Variants in ALDH16A1 observed in about 807,000 individuals in gnomAD.
ALDH16A1 encodes aldehyde dehydrogenase family 16 member A1.
ALDH16A1 carries 88 observed loss-of-function variants against 96.1 expected under a neutral mutation model. That is an observed-to-expected ratio of 0.92 (90% CI 0.77 to 1.09). The LOEUF (loss-of-function observed/expected upper bound fraction) is 1.09. Ranked by LOEUF, ALDH16A1 falls within the 50% of genes least tolerant of loss-of-function variation. The probability of loss-of-function intolerance (pLI) is 0.00; values close to 1 mark genes in which losing one functional copy is unlikely to be tolerated. For synonymous variants in ALDH16A1, 522 were observed against 496.4 expected (o/e 1.05, Z -0.69); for missense variants, 1,250 against 1,112.6 (o/e 1.12, Z -1.76).
chr19:49,464,156 C>A lies in ALDH16A1; in HGVS notation c.1224C>A (p.Pro408=). The change falls in exon 10 of 17, where the codon CCC becomes CCA. Residue 408 remains proline, a synonymous_variant. Transcript: ENST00000293350. ...EVPWPVVVAS[P]FRTAKEALLV... is the part of the protein sequence containing the mutation. ...CGTGGCCTGTGGTCGTGGCCTCCCC[C>A]TTCCGCACAGCCAAGGAGGCACTGT... 1 of 1,609,016 alleles carries A rather than the reference C, an allele frequency of 6.2e-7. No individual in the cohort carries two copies. Among genetic ancestry groups the A allele is most frequent in the East Asian group, 2.2e-5 (1 of 44,854 alleles).
intron 14 of ALDH16A1, among the ~76,000 whole-genome samples, chr19:49,467,871 T>C (rs981886248): frequency 2.0e-5 from 3 of 147,782 alleles, no homozygotes; most frequent in African/African-American, 5.0e-5. Flanking sequence ...CAAAAGAAAA[T>C]AGACCAGGCG....
Position 49,468,777 on chromosome 19 carries a change from C to T in ALDH16A1, c.2125-87C>T. On this transcript the variant is annotated intron_variant, in intron 15 of 16. Coordinates refer to ENST00000293350, the MANE Select transcript of ALDH16A1 (RefSeq NM_153329.4). The surrounding 1 kb of genome is among the most constrained non-coding windows in gnomAD (Gnocchi z 4.4). ...CTTTCTCCTCCATGACCCCCCATCCCCTTCCCTCCCATGGGCACCCCCTGA... is the reference window on the plus strand; with the variant it reads ...CTTTCTCCTCCATGACCCCCCATCCTCTTCCCTCCCATGGGCACCCCCTGA... 6.7e-7 allele frequency: 1 copy of T among 1,494,218 alleles called. No homozygotes were observed. Among genetic ancestry groups the T allele is most frequent in the Non-Finnish European group, 9.1e-7 (1 of 1,096,666 alleles). The allele number at this position is 1,494,218 out of a possible 1,614,324, so 92.6% of individuals were successfully genotyped here.
At chr19:49,454,698 G>A (rs1268679269) in intron 1 of ALDH16A1, among the ~76,000 whole-genome samples, 2 of 152,224 alleles carry the variant, frequency 1.3e-5, no homozygotes, top group Admixed American at 6.5e-5. Context: ...AATGATCCAA[G>A]TGGAAGGAAC....
Position 49,464,672 on chromosome 19 carries a change from G to A in ALDH16A1, c.1478G>A (p.Arg493Gln), listed in dbSNP as rs145782809. 9.5e-5 allele frequency: 153 copies of A among 1,614,136 alleles called. No homozygotes were observed. The East Asian group carries it at 1.4e-3, about 15-fold the overall frequency. Residue 493 changes from arginine to glutamine, a missense_variant, in exon 12 of 17, where the codon CGG becomes CAG. Transcript: ENST00000293350. Reference sequence around the variant, plus strand: ...CTGCGGCCCTCAGGGACCCCTGCCCGGCTGTCCTGCCTCTCCAAGAACCTG... The same window carrying A: ...CTGCGGCCCTCAGGGACCCCTGCCCAGCTGTCCTGCCTCTCCAAGAACCTG... ...EYLRPSGTPA[R>Q]LSCLSKNLNY...
In ALDH16A1 at chr19:49,470,658, T is replaced by TC; in HGVS notation, c.*191_*192insC. 3.4e-6 allele frequency: 2 copies of TC among 581,802 alleles called. No homozygotes were observed. The highest frequency in any genetic ancestry group is 5.3e-6 in the Non-Finnish European group (2 of 378,476). The allele number at this position is 581,802 out of a possible 1,614,324, so 36.0% of individuals were successfully genotyped here. On this transcript the variant is annotated 3_prime_UTR_variant, in exon 17 of 17. Coordinates refer to ENST00000293350, the MANE Select transcript of ALDH16A1 (RefSeq NM_153329.4). ...ATATGAGGCTTTTTTCTTTTTTTTT[T>TC]TTTTTTTTGAGACAACGTCTGGCTC...
chr19:49,456,550 A>G (rs1293267445), intron 1 of ALDH16A1, among the ~76,000 whole-genome samples: 1 of 152,024 alleles, frequency 6.6e-6, no homozygotes, highest in East Asian at 1.9e-4. Flanking sequence ...ATGACTGGCA[A>G]ATTTTTTACT....
rs776005183 is a variant in ALDH16A1 at position 49,466,246 on chromosome 19, G to A, written c.1901G>A (p.Trp634Ter). 3.4e-6 allele frequency: 5 copies of A among 1,481,012 alleles called. No individual in the cohort carries two copies. Among genetic ancestry groups the A allele is most frequent in the Admixed American group, 2.5e-5 (1 of 40,268 alleles). 91.7% of individuals were successfully genotyped at this position (1,481,012 alleles called of 1,614,324 possible). A position where few individuals can be genotyped will look rare whatever the true frequency, so the allele number is the denominator to read the frequency against. Reference protein sequence around the residue: ...VELSARRLRAWGARVQAQGHT... With the variant: ...VELSARRLRA ...CTGAGCGCAAGACGACTTCGGGCGT[G>A]GGGGGCCCGGGTGCAGGCCCAAGGC... The change falls in exon 14 of 17, where the codon TGG becomes TAG. Residue 634 changes from tryptophan (W) to a stop codon, truncating the protein, a stop_gained. Transcript: ENST00000293350. LOFTEE classifies it high-confidence loss of function.
At position 49,467,396 on chromosome 19, in the gene ALDH16A1, C is replaced by CT. The variant is rs111994857; in HGVS notation, c.1939-969dup. 3.5e-3 allele frequency among the ~76,000 whole-genome samples: 456 copies of CT among 131,156 alleles called. 3 individuals carry two copies. The highest frequency in any genetic ancestry group is 0.011 in the East Asian group (51 of 4,468). The allele number at this position is 131,156 out of a possible 152,430, so 86.0% of individuals were successfully genotyped here. On this transcript the variant is annotated intron_variant, in intron 14 of 16. Coordinates refer to ENST00000293350, the MANE Select transcript of ALDH16A1 (RefSeq NM_153329.4). Reference sequence around the variant, plus strand: ...TGGGCCAAACCATATTTCTTTCTTTCTTTTTTTTTTTTTTTTGAGACAGAG... The same window carrying CT: ...TGGGCCAAACCATATTTCTTTCTTTCTTTTTTTTTTTTTTTTTGAGACAGAG...
intron 1 of ALDH16A1, 135 bp downstream of exon 1, chr19:49,453,556 C>G (rs769453656): frequency 2.3e-6 from 2 of 854,022 alleles, no homozygotes; most frequent in African/African-American, 3.4e-5. Flanking sequence ...TCCCGCCGCC[C>G]AATAGGATCG....
rs753944324 is a variant in ALDH16A1 at position 49,468,840 on chromosome 19, C to A, written c.2125-24C>A. ...TGCCCTGCCCCCACGGCCTCCCCAA[C>A]CTTTCACTCTCTCTATCCCCTAGGA... On this transcript the variant is annotated intron_variant, in intron 15 of 16. Transcript: ENST00000293350. The surrounding 1 kb of genome is among the most constrained non-coding windows in gnomAD (Gnocchi z 4.4). The A allele has an allele frequency of 1.4e-5, 22 of 1,607,030 alleles. No homozygotes were observed. The highest frequency in any genetic ancestry group is 1.7e-5 in the Non-Finnish European group (20 of 1,175,986).
At chr19:49,462,876 G>GGGCCTGGACTCCTGGGTCTGAAGGA (rs2079163441) in intron 8 of ALDH16A1, 121 bp downstream of exon 8, 1 of 655,500 alleles carries the variant, frequency 1.5e-6, no homozygotes, top group African/African-American at 3.3e-5. Context: ...GGAGGGGCTG[G>GGGCCTGGACTCCTGGGTCTGAAGGA]GAGCCTGGAC....
At chr19:49,466,359 G>A (rs2079199089) in intron 14 of ALDH16A1, 76 bp downstream of exon 14, 1 of 1,389,018 alleles carries the variant, frequency 7.2e-7, no homozygotes, top group Non-Finnish European at 9.4e-7. Context: ...AGATAACCCA[G>A]GCTTGGAATT....
rs2079223233 is a variant in ALDH16A1, at chr19:49,468,980, A to C, written c.2241A>C (p.Ser747=). Residue 747 remains serine (S), a synonymous_variant, in exon 16 of 17, where the codon TCA becomes TCC. Coordinates refer to ENST00000293350, the MANE Select transcript of ALDH16A1 (RefSeq NM_153329.4). This position sits in a 1 kb window ranked among gnomAD's most constrained non-coding sequence, Gnocchi z 4.4. ...TCCAGGCCATGTGGTATTTCGGATC[A>C]GCCCAGGTGCTCTTTGTTCTGTTTT... is the stretch of plus-strand genomic sequence containing the variant. ...QDVQAMWYFG[S]AQGSQFVEWA... is the part of the protein sequence containing the mutation. 2 of 1,612,056 alleles carry C rather than the reference A, an allele frequency of 1.2e-6. No homozygotes were observed. Among genetic ancestry groups the C allele is most frequent in the African/African-American group, 2.7e-5 (2 of 74,896 alleles).
chr19:49,462,520 A>T (rs780387678), intron 7 of ALDH16A1, 50 bp from the exon 8 acceptor site: 1 of 1,576,514 alleles, frequency 6.3e-7, no homozygotes, highest in South Asian at 1.2e-5. Flanking sequence ...CAGATCACCA[A>T]CTTGCTAGAG....
At position 49,464,673 on chromosome 19, in the gene ALDH16A1, G is replaced by T. The variant is rs1430491179; in HGVS notation, c.1479G>T (p.Arg493=). 8 of 1,614,034 alleles carry T rather than the reference G, an allele frequency of 5.0e-6. No homozygotes were observed. The highest frequency in any genetic ancestry group is 6.8e-6 in the Non-Finnish European group (8 of 1,180,038). Residue 493 remains arginine (R), a synonymous_variant, in exon 12 of 17, where the codon CGG becomes CGT. Coordinates refer to ENST00000293350, the MANE Select transcript of ALDH16A1 (RefSeq NM_153329.4). The part of the protein sequence containing the change: ...EYLRPSGTPA[R]LSCLSKNLNY... Reference sequence around the variant, plus strand: ...TGCGGCCCTCAGGGACCCCTGCCCGGCTGTCCTGCCTCTCCAAGAACCTGA... The same window carrying T: ...TGCGGCCCTCAGGGACCCCTGCCCGTCTGTCCTGCCTCTCCAAGAACCTGA...
Position 49,453,311 on chromosome 19 carries a change from G to A in ALDH16A1, c.-21G>A. On this transcript the variant is annotated 5_prime_UTR_variant, in exon 1 of 17. Transcript: ENST00000293350. ...ACACAGAGCGCCCCGCAGTCTTCGC[G>A]GAAAGCGTTCGGGGTAGGCGATGGC... 1.3e-6 allele frequency: 2 copies of A among 1,541,916 alleles called. No individual in the cohort carries two copies. The highest frequency in any genetic ancestry group is 1.2e-5 in the South Asian group (1 of 84,588).
chr19:49,470,598 T>A lies in ALDH16A1; in HGVS notation c.*131T>A. ...CTCTCTGACCAACCCTAGCTGTGCTTCTGCGAGAAGAAAGGGTGTAGCAAC... is the reference window on the plus strand; with the variant it reads ...CTCTCTGACCAACCCTAGCTGTGCTACTGCGAGAAGAAAGGGTGTAGCAAC... On this transcript the variant is annotated 3_prime_UTR_variant, in exon 17 of 17. Transcript: ENST00000293350. The A allele has an allele frequency of 9.5e-7, 1 of 1,056,098 alleles. No homozygotes were observed. Among genetic ancestry groups the A allele is most frequent in the Non-Finnish European group, 1.3e-6 (1 of 799,768 alleles). 65.4% of individuals were successfully genotyped at this position (1,056,098 alleles called of 1,614,324 possible). A position where few individuals can be genotyped will look rare whatever the true frequency, so the allele number is the denominator to read the frequency against.
In ALDH16A1 at chr19:49,458,468, T is replaced by G; in HGVS notation, c.91-18T>G. On this transcript the variant is annotated intron_variant, in intron 1 of 16. Coordinates refer to ENST00000293350, the MANE Select transcript of ALDH16A1 (RefSeq NM_153329.4). ...GCTCCTCCCGAACCCCTTTCCAAAC[T>G]GTCTCTACCTCCCCCAGGCCTGGCT... 1 of 1,552,444 alleles carries G rather than the reference T, an allele frequency of 6.4e-7. No homozygotes were observed. Among genetic ancestry groups the G allele is most frequent in the Middle Eastern group, 1.7e-4 (1 of 5,998 alleles).
chr19:49,467,899 A>C (rs2079212197), intron 14 of ALDH16A1, among the ~76,000 whole-genome samples: 1 of 151,166 alleles, frequency 6.6e-6, no homozygotes, highest in African/African-American at 2.4e-5. Flanking sequence ...TCACGCCTGT[A>C]ATCTCAGCAC....
Sources: allele counts gnomAD v4.1 joint callset (sites outside exome capture counted in the v4.1 genomes callset), GRCh38; gene constraint gnomAD v4.1.1; non-coding constraint Gnocchi (gnomAD v3.1); transcripts MANE v1.5; gene names NCBI Gene and HGNC (gene_info 2026-07-23, HGNC 2026-07-21).